The following PTPRC variants were observed in gnomAD, a reference collection of about 807,000 sequenced individuals.
PTPRC encodes protein tyrosine phosphatase receptor type C, also known as receptor-type tyrosine-protein phosphatase C.
In PTPRC, 44 loss-of-function variants were observed where a neutral mutation model predicts 155.9. The ratio of observed to expected loss-of-function variants is 0.28; its 90% CI spans 0.22 to 0.36. PTPRC has a LOEUF of 0.36. PTPRC is among the 10% of genes least tolerant of loss of function. The pLI is 1.00. For missense variants in PTPRC, 1,401 were observed against 1,564.6 expected (o/e 0.90, Z 1.76); for synonymous variants, 525 against 533.1 (o/e 0.98, Z 0.21).
chr1:198,638,854 A>G (rs1662404303), upstream of PTPRC: 2 of 185,248 alleles, frequency 1.1e-5, no homozygotes, highest in African/African-American at 4.8e-5. Context: ...ACTGTAAAGG[A>G]GCATTATTTG....
intron 2 of PTPRC, among the ~76,000 whole-genome samples, chr1:198,655,223 G>A (rs1663493626): frequency 6.6e-6 from 1 of 150,466 alleles, no homozygotes; most frequent in African/African-American, 2.4e-5. Flanking sequence ...TAGAATTCCT[G>A]TACCAAACAT....
intron 3 of PTPRC, among the ~76,000 whole-genome samples, chr1:198,693,800 G>T (rs924534162): frequency 1.3e-5 from 2 of 152,170 alleles, no homozygotes; most frequent in African/African-American, 4.8e-5. Flanking sequence ...TGTGTGCAAA[G>T]ATATGAAGGA....
chr1:198,694,413 A>AATACGCTCACAGGCACAC, intron 3 of PTPRC: 1 of 1,115,738 alleles, frequency 9.0e-7, no homozygotes, highest in Non-Finnish European at 1.1e-6. Context: ...CACACCCAGG[A>AATACGCTCACAGGCACAC]ACAATACTTT....
intron 2 of PTPRC, among the ~76,000 whole-genome samples, chr1:198,655,103 A>T (rs1158551493): frequency 6.6e-6 from 1 of 151,970 alleles, no homozygotes; most frequent in African/African-American, 2.4e-5. Flanking sequence ...AATAACAAAT[A>T]AGAATACCTT....
intron 23 of PTPRC, among the ~76,000 whole-genome samples, chr1:198,735,977 A>G (rs1482332475): frequency 6.6e-6 from 1 of 151,602 alleles, no homozygotes; most frequent in Non-Finnish European, 1.5e-5. Flanking sequence ...CAAATTGTAC[A>G]TTTTAAACTG....
At chr1:198,649,996 G>A (rs1346125952) in intron 2 of PTPRC, among the ~76,000 whole-genome samples, 1 of 151,824 alleles carries the variant, frequency 6.6e-6, no homozygotes, top group African/African-American at 2.4e-5. Flanking sequence ...TTATGAAGAA[G>A]AATCATTGAG....
At chr1:198,679,383 A>G (rs997014607) in intron 2 of PTPRC, among the ~76,000 whole-genome samples, 1 of 142,540 alleles carries the variant, frequency 7.0e-6, no homozygotes, top group African/African-American at 2.6e-5. Context: ...AAGCCGTGCC[A>G]CCACGCCCAG....
At chr1:198,706,313 G>A (rs893594849) in intron 8 of PTPRC, among the ~76,000 whole-genome samples, 8 of 152,234 alleles carry the variant, frequency 5.3e-5, no homozygotes, top group African/African-American at 1.2e-4. Context: ...TAATAACTAC[G>A]TTTTAGAAAA....
At chr1:198,656,981 T>C (rs1474906584) in intron 2 of PTPRC, among the ~76,000 whole-genome samples, 3 of 151,220 alleles carry the variant, frequency 2.0e-5, no homozygotes, top group Non-Finnish European at 2.9e-5. Context: ...CTTGTGTTAA[T>C]AGAACATTCT....
At chr1:198,745,671 A>C (rs1165342046) in intron 26 of PTPRC, among the ~76,000 whole-genome samples, 1 of 151,836 alleles carries the variant, frequency 6.6e-6, no homozygotes, top group Admixed American at 6.6e-5. Flanking sequence ...CTATGGCAGC[A>C]TTGAGCTCTT....
At chr1:198,710,068 T>G (rs1653214283) in intron 11 of PTPRC, among the ~76,000 whole-genome samples, 3 of 152,212 alleles carry the variant, frequency 2.0e-5, no homozygotes, top group South Asian at 2.1e-4. Flanking sequence ...TCTAAAAATT[T>G]TATAGCATTG....
At chr1:198,664,118 A>G (rs1411351361) in intron 2 of PTPRC, among the ~76,000 whole-genome samples, 1 of 152,110 alleles carries the variant, frequency 6.6e-6, no homozygotes, top group Admixed American at 6.5e-5. Flanking sequence ...TATATATCAA[A>G]TAAGTTTATA....
intron 2 of PTPRC, among the ~76,000 whole-genome samples, chr1:198,687,094 A>C (rs762282248): frequency 4.6e-5 from 7 of 152,122 alleles, no homozygotes; most frequent in African/African-American, 7.2e-5. Context: ...CAGCCTCAAC[A>C]CACACTCATG....
intron 11 of PTPRC, among the ~76,000 whole-genome samples, chr1:198,710,910 A>C (rs1653264490): frequency 6.6e-6 from 1 of 152,230 alleles, no homozygotes; most frequent in Non-Finnish European, 1.5e-5. Context: ...GCTGGAGTGC[A>C]GTGGCGTGAT....
intron 3 of PTPRC, chr1:198,694,750 C>T (rs1160117760): frequency 1.1e-6 from 1 of 952,236 alleles, no homozygotes; most frequent in Non-Finnish European, 1.3e-6. Context: ...TTTCTTTCCA[C>T]TCCCTTTCTC....
At chr1:198,673,115 T>C (rs1409132418) in intron 2 of PTPRC, among the ~76,000 whole-genome samples, 2 of 152,116 alleles carry the variant, frequency 1.3e-5, no homozygotes. Context: ...TCTAAAAGAC[T>C]AATCGTCTTC....
chr1:198,667,939 T>C (rs891248696), intron 2 of PTPRC, among the ~76,000 whole-genome samples: 7 of 152,226 alleles, frequency 4.6e-5, no homozygotes, highest in African/African-American at 1.7e-4. Context: ...CAATCAGTCA[T>C]ATTTCTGCAA....
Position 198,642,903 on chromosome 1 carries a change from TCTTC to T in PTPRC, c.73+3566_73+3569del, listed in dbSNP as rs1336296287. The stretch of plus-strand genomic sequence containing the variant: ...AGGGATCTTTTTTCTTTTCTTTCTT[TCTTC>T]CTTTCTTTCTTTCTTTCTTTCTTTC... On this transcript the variant is annotated intron_variant, in intron 2 of 32. Coordinates refer to ENST00000442510, the MANE Select transcript of PTPRC (RefSeq NM_002838.5). Among the ~76,000 whole-genome samples, 92 of 77,826 alleles carry T rather than the reference TCTTC, an allele frequency of 1.2e-3. 1 individual carries two copies. Among genetic ancestry groups the T allele is most frequent in the South Asian group, 1.7e-3 (4 of 2,316 alleles). The allele number at this position is 77,826 out of a possible 152,430, so 51.1% of individuals were successfully genotyped here. A position where few individuals can be genotyped will look rare whatever the true frequency, so the allele number is the denominator to read the frequency against.
At chr1:198,689,321 T>C (rs1665801488) in intron 2 of PTPRC, among the ~76,000 whole-genome samples, 1 of 152,216 alleles carries the variant, frequency 6.6e-6, no homozygotes, top group Admixed American at 6.5e-5. Flanking sequence ...ACAGTTCTTT[T>C]GTTAAAAAAC....
Sources: gnomAD v4.1 joint callset for allele counts (sites outside exome capture counted in the v4.1 genomes callset) on GRCh38, gnomAD v4.1.1 for gene constraint, MANE v1.5 for transcripts, NCBI Gene and HGNC (gene_info 2026-07-23, HGNC 2026-07-21) for gene names.